Variants in TECPR2 observed in about 807,000 individuals in gnomAD.
TECPR2 encodes the protein tectonin beta-propeller repeat-containing protein 2.
In TECPR2, 65 loss-of-function variants were observed where a neutral mutation model predicts 138.1. The ratio of observed to expected loss-of-function variants is 0.47; its 90% CI spans 0.39 to 0.58. TECPR2 has a LOEUF of 0.58. Among genes scored for constraint, TECPR2 ranks in the 20% least tolerant of loss-of-function variants. The pLI, the probability that TECPR2 is intolerant of heterozygous loss-of-function variation, is 0.00. For missense variants in TECPR2, 1,553 were observed against 1,824.5 expected (o/e 0.85, Z 2.71); for synonymous variants, 746 against 749.8 (o/e 0.99, Z 0.08).
intron 2 of TECPR2, among the ~76,000 whole-genome samples, chr14:102,399,361 A>G (rs1044716065): frequency 1.3e-5 from 2 of 152,232 alleles, no homozygotes; most frequent in Non-Finnish European, 2.9e-5. Flanking sequence ...TCAACTAACC[A>G]TCTAATACCC....
chr14:102,407,266 TA>T, intron 2 of TECPR2, 71 bp from the exon 3 acceptor site: 1 of 1,514,008 alleles, frequency 6.6e-7, no homozygotes, highest in African/African-American at 1.4e-5. Flanking sequence ...ACTCCTTTAG[TA>T]ATGTCCTCCT....
chr14:102,404,436 G>T (rs1252548209), intron 2 of TECPR2, among the ~76,000 whole-genome samples: 1 of 152,136 alleles, frequency 6.6e-6, no homozygotes, highest in Non-Finnish European at 1.5e-5. Context: ...CTGCAAAAAT[G>T]CAGTCATTGA....
chr14:102,497,242 C>G (rs537895522), intron 18 of TECPR2, 122 bp downstream of exon 18: 2 of 1,417,074 alleles, frequency 1.4e-6, no homozygotes, highest in African/African-American at 2.9e-5. Flanking sequence ...GCTGTGCTGT[C>G]GCCGCTGCTT....
intron 12 of TECPR2, among the ~76,000 whole-genome samples, chr14:102,444,843 G>T (rs1454607064): frequency 2.0e-5 from 3 of 152,172 alleles, no homozygotes; most frequent in Admixed American, 6.5e-5. Flanking sequence ...ATCTCAGGAG[G>T]CTGAGGCAGG....
At chr14:102,469,829 T>C (rs74814600) in intron 17 of TECPR2, among the ~76,000 whole-genome samples, 2,508 of 152,292 alleles carry the variant, frequency 0.016, 79 homozygotes, top group African/African-American at 0.058. Context: ...TGTCAAATGC[T>C]TTTTCTATGC....
At chr14:102,407,572 C>T in intron 3 of TECPR2, 106 bp downstream of exon 3, 1 of 1,398,768 alleles carries the variant, frequency 7.1e-7, no homozygotes, top group Non-Finnish European at 9.5e-7. Flanking sequence ...TCAGAGAAAG[C>T]CGGGCACGAC....
At chr14:102,386,257 C>T (rs143170661) in intron 2 of TECPR2, among the ~76,000 whole-genome samples, 59 of 152,110 alleles carry the variant, frequency 3.9e-4, no homozygotes, top group African/African-American at 1.0e-3. Flanking sequence ...TCATTTTGAG[C>T]TCAGGAGTTT....
intron 5 of TECPR2, among the ~76,000 whole-genome samples, chr14:102,422,103 C>T (rs930179715): frequency 6.6e-6 from 1 of 152,150 alleles, no homozygotes; most frequent in Non-Finnish European, 1.5e-5. Context: ...AGCAACCCAG[C>T]GATTACCCCA....
intron 17 of TECPR2, among the ~76,000 whole-genome samples, chr14:102,470,467 G>A (rs1027301571): frequency 1.3e-5 from 2 of 150,066 alleles, no homozygotes; most frequent in African/African-American, 2.5e-5. Context: ...ACCACCACAC[G>A]CAGCTAATTT....
chr14:102,399,779 T>C (rs940083373), intron 2 of TECPR2, among the ~76,000 whole-genome samples: 1 of 150,710 alleles, frequency 6.6e-6, no homozygotes, highest in Non-Finnish European at 1.5e-5. Context: ...TGTAGCGAAC[T>C]GAGATCTGGC....
intron 5 of TECPR2, among the ~76,000 whole-genome samples, chr14:102,417,203 G>C (rs1889049191): frequency 6.6e-6 from 1 of 152,146 alleles, no homozygotes; most frequent in African/African-American, 2.4e-5. Context: ...ACTGAGCCTT[G>C]GGGAAATGAG....
chr14:102,434,592 G>C lies in TECPR2; in HGVS notation c.1775G>C (p.Ser592Thr). The stretch of plus-strand genomic sequence containing the variant: ...GGAGCGAGGGAAGATGTGGGAGGCA[G>C]TGATGTCACGGGACTCGGAGATGAG... ...LNGAREDVGG[S>T]DVTGLGDEPC... Residue 592 changes from serine (S) to threonine (T), a missense_variant, in exon 9 of 20, where the codon AGT (serine) becomes ACT (threonine). By Grantham distance (58) the Ser-to-Thr change is moderately conservative. Transcript: ENST00000359520. 1 of 1,565,234 alleles carries C rather than the reference G, an allele frequency of 6.4e-7. No individual in the cohort carries two copies. Among genetic ancestry groups the C allele is most frequent in the South Asian group, 1.2e-5 (1 of 83,280 alleles).
chr14:102,441,528 A>T (rs1190507897), intron 11 of TECPR2, among the ~76,000 whole-genome samples: 2 of 151,550 alleles, frequency 1.3e-5, no homozygotes, highest in African/African-American at 4.8e-5. Context: ...AAAAAAAAAA[A>T]AAATACAAAA....
intron 16 of TECPR2, among the ~76,000 whole-genome samples, chr14:102,453,847 GAGAA>G (rs1470899815): frequency 1.3e-5 from 2 of 151,846 alleles, no homozygotes; most frequent in African/African-American, 2.4e-5. Flanking sequence ...AAAGGATGGG[GAGAA>G]AGAAAGCAAG....
At chr14:102,435,971 C>T (rs1296908987) in intron 9 of TECPR2, among the ~76,000 whole-genome samples, 1 of 152,252 alleles carries the variant, frequency 6.6e-6, no homozygotes, top group African/African-American at 2.4e-5. Context: ...CTTACAGCCA[C>T]GTGTGCTTTC....
intron 2 of TECPR2, among the ~76,000 whole-genome samples, chr14:102,394,811 C>T (rs1380165171): frequency 1.3e-5 from 2 of 152,174 alleles, no homozygotes; most frequent in Non-Finnish European, 2.9e-5. Context: ...CACAAGGTCT[C>T]GACGGAGTCT....
Position 102,407,368 on chromosome 14 carries a change from C to T in TECPR2, c.250C>T (p.Leu84=). ...GKTESITVVK[L]LSCFDDLVAA... is the part of the protein sequence containing the mutation. ...GACGGAATCTATCACTGTGGTGAAG[C>T]TGCTGAGCTGCTTTGATGACCTGGT... Residue 84 remains leucine (L), a synonymous_variant, in exon 3 of 20, where the codon CTG becomes TTG. Transcript: ENST00000359520. 1.2e-6 allele frequency: 2 copies of T among 1,613,048 alleles called. No homozygotes were observed.
At chr14:102,387,339 CA>C (rs1888034264) in intron 2 of TECPR2, among the ~76,000 whole-genome samples, 1 of 152,056 alleles carries the variant, frequency 6.6e-6, no homozygotes, top group South Asian at 2.1e-4. Context: ...GAAAATGTTG[CA>C]AGGAGCTAAT....
At chr14:102,398,336 A>G (rs544963411) in intron 2 of TECPR2, among the ~76,000 whole-genome samples, 1 of 152,326 alleles carries the variant, frequency 6.6e-6, no homozygotes, top group East Asian at 1.9e-4. Flanking sequence ...TTGAAGAAAC[A>G]TGAGCAGAGC....
Sources: allele counts gnomAD v4.1 joint callset (sites outside exome capture counted in the v4.1 genomes callset), GRCh38; gene constraint gnomAD v4.1.1; transcripts MANE v1.5; gene names NCBI Gene and HGNC (gene_info 2026-07-23, HGNC 2026-07-21).